The following DACH1 variants were observed in gnomAD, a reference collection of about 807,000 sequenced individuals.
DACH1 encodes the protein dachshund homolog 1.
Under a neutral mutation model 54.2 loss-of-function variants are expected in DACH1, and 12 were observed. That is an observed-to-expected ratio of 0.22 (90% CI 0.14 to 0.36). The LOEUF (loss-of-function observed/expected upper bound fraction) is 0.36. Among genes scored for constraint, DACH1 ranks in the 10% least tolerant of loss-of-function variants. The pLI, the probability that DACH1 is intolerant of heterozygous loss-of-function variation, is 1.00. For missense variants in DACH1, 805 were observed against 929.8 expected, an observed-to-expected ratio of 0.87 and a Z score of 1.75; for synonymous variants, 386 against 366.2, an observed-to-expected ratio of 1.05 and a Z score of -0.62.
intron 1 of DACH1, among the ~76,000 whole-genome samples, chr13:71,682,301 G>A (rs1209499907): frequency 6.6e-6 from 1 of 152,168 alleles, no homozygotes; most frequent in Admixed American, 6.5e-5. Context: ...CCAAATATGT[G>A]TAGTACTTGT....
intron 1 of DACH1, among the ~76,000 whole-genome samples, chr13:71,798,319 CATACATATATATATATATATAT>C (rs1480892608): frequency 1.2e-5 from 1 of 85,464 alleles, no homozygotes; most frequent in African/African-American, 5.2e-5. Context: ...GAACTTGTTA[CATACATATATATATATATATAT>C]ATATATATAT....
At chr13:71,552,307 C>A (rs1883868074) in intron 6 of DACH1, among the ~76,000 whole-genome samples, 2 of 151,936 alleles carry the variant, frequency 1.3e-5, no homozygotes, top group East Asian at 1.9e-4. Context: ...TACAATAATA[C>A]AAATTAGGTA....
intron 3 of DACH1, among the ~76,000 whole-genome samples, chr13:71,608,064 T>C (rs981571137): frequency 2.6e-5 from 4 of 151,496 alleles, no homozygotes; most frequent in Non-Finnish European, 5.9e-5. Flanking sequence ...AATGTGTATA[T>C]ATATATATAT....
chr13:71,464,476 T>C, intron 10 of DACH1: 1 of 328,404 alleles, frequency 3.0e-6, no homozygotes, highest in Non-Finnish European at 5.9e-6. Flanking sequence ...ATTTTTATTT[T>C]AATGAAGATG....
At chr13:71,649,483 T>G (rs1878525393) in intron 2 of DACH1, among the ~76,000 whole-genome samples, 1 of 152,056 alleles carries the variant, frequency 6.6e-6, no homozygotes, top group African/African-American at 2.4e-5. Context: ...GTAGCGGATA[T>G]AAAAATTAAA....
intron 6 of DACH1, among the ~76,000 whole-genome samples, chr13:71,515,993 G>A (rs955620473): frequency 7.2e-5 from 11 of 151,856 alleles, no homozygotes; most frequent in Non-Finnish European, 1.3e-4. Flanking sequence ...AAGAAGTTAG[G>A]AGGCTATTTA....
intron 7 of DACH1, among the ~76,000 whole-genome samples, chr13:71,488,544 T>C (rs1166140850): frequency 1.3e-5 from 2 of 152,084 alleles, no homozygotes; most frequent in Non-Finnish European, 2.9e-5. Flanking sequence ...AAGAAGGCAT[T>C]TTTTTGGATT....
At chr13:71,780,161 A>G (rs1886313159) in intron 1 of DACH1, among the ~76,000 whole-genome samples, 1 of 152,226 alleles carries the variant, frequency 6.6e-6, no homozygotes, top group South Asian at 2.1e-4. Flanking sequence ...TAGGAATTAC[A>G]TCAGCAAGGG....
chr13:71,589,062 T>C (rs1377200453), intron 3 of DACH1, among the ~76,000 whole-genome samples: 1 of 152,022 alleles, frequency 6.6e-6, no homozygotes, highest in Non-Finnish European at 1.5e-5. Flanking sequence ...GAAGGCTGCC[T>C]TCTCTGCACT....
chr13:71,589,975 G>A (rs935710421), intron 3 of DACH1, among the ~76,000 whole-genome samples: 5 of 151,874 alleles, frequency 3.3e-5, no homozygotes, highest in South Asian at 2.1e-4. Context: ...TATACCTACG[G>A]GGCTGTAAAT....
At chr13:71,792,105 A>G (rs1279398916) in intron 1 of DACH1, among the ~76,000 whole-genome samples, 2 of 151,948 alleles carry the variant, frequency 1.3e-5, no homozygotes, top group Non-Finnish European at 2.9e-5. Flanking sequence ...TTGCTTCCTT[A>G]CCGGATTGTG....
At chr13:71,749,936 A>C (rs1420455909) in intron 1 of DACH1, among the ~76,000 whole-genome samples, 1 of 152,208 alleles carries the variant, frequency 6.6e-6, no homozygotes, top group Non-Finnish European at 1.5e-5. Flanking sequence ...CCAGTTGTGA[A>C]AGCCAAGTTA....
At chr13:71,576,320 AG>A (rs1885522672) in intron 3 of DACH1, among the ~76,000 whole-genome samples, 1 of 152,184 alleles carries the variant, frequency 6.6e-6, no homozygotes, top group South Asian at 2.1e-4. Flanking sequence ...AGATGGGACA[AG>A]CAAGGTTATT....
At chr13:71,775,082 C>T (rs894679909) in intron 1 of DACH1, among the ~76,000 whole-genome samples, 4 of 139,068 alleles carry the variant, frequency 2.9e-5, no homozygotes, top group East Asian at 2.5e-4. Context: ...GCCAGAAGTT[C>T]GAGACCAGCC....
At chr13:71,601,801 G>T (rs1874513248) in intron 3 of DACH1, among the ~76,000 whole-genome samples, 1 of 151,868 alleles carries the variant, frequency 6.6e-6, no homozygotes, top group East Asian at 1.9e-4. Context: ...TGATCATATA[G>T]CATATTTTAA....
At chr13:71,698,928 CAAT>C (rs1881969463) in intron 1 of DACH1, among the ~76,000 whole-genome samples, 1 of 152,036 alleles carries the variant, frequency 6.6e-6, no homozygotes, top group South Asian at 2.1e-4. Context: ...CATTAAAAAA[CAAT>C]TATTTTTCAC....
At chr13:71,557,628 T>G (rs986781657) in intron 5 of DACH1, among the ~76,000 whole-genome samples, 1 of 151,978 alleles carries the variant, frequency 6.6e-6, no homozygotes, top group Non-Finnish European at 1.5e-5. Flanking sequence ...ACAAGTAATA[T>G]TGCAATAGAG....
intron 6 of DACH1, among the ~76,000 whole-genome samples, chr13:71,498,414 C>T (rs1879624803): frequency 6.6e-6 from 1 of 152,152 alleles, no homozygotes; most frequent in Non-Finnish European, 1.5e-5. Context: ...CAGGGTTATA[C>T]CACATCCATG....
At chr13:71,821,082 A>G (rs1888166804) in intron 1 of DACH1, among the ~76,000 whole-genome samples, 2 of 152,204 alleles carry the variant, frequency 1.3e-5, no homozygotes. Context: ...TGGACATGGT[A>G]GGAGGTATAC....
Sources: allele counts gnomAD v4.1 joint callset (sites outside exome capture counted in the v4.1 genomes callset), GRCh38; gene constraint gnomAD v4.1.1; transcripts MANE v1.5; gene names NCBI Gene and HGNC (gene_info 2026-07-23, HGNC 2026-07-21).